The following ABCA1 variants were observed in gnomAD, a reference collection of about 807,000 sequenced individuals.
ABCA1 encodes the protein ATP binding cassette subfamily A member 1, also known as phospholipid-transporting ATPase ABCA1.
Under a neutral mutation model 262.5 loss-of-function variants are expected in ABCA1, and 133 were observed. That is an observed-to-expected ratio of 0.51 (90% CI 0.44 to 0.59). The LOEUF (loss-of-function observed/expected upper bound fraction) is 0.59, where lower values mean the gene tolerates loss of function less well. Among genes scored for constraint, ABCA1 ranks in the 20% least tolerant of loss-of-function variants. ABCA1 has a pLI of 0.00. For synonymous variants in ABCA1, 1,022 were observed against 1,043.5 expected (o/e 0.98, Z 0.40); for missense variants, 2,452 against 2,777.5 (o/e 0.88, Z 2.63).
At chr9:104,814,406 A>T in intron 26 of ABCA1, 21 bp downstream of exon 26, 6 of 1,613,652 alleles carry the variant, frequency 3.7e-6, no homozygotes, top group Non-Finnish European at 5.1e-6. Context: ...TAAGTGTGCC[A>T]TTCTCCCTCA....
At chr9:104,840,997 T>C (rs2472385) in intron 8 of ABCA1, among the ~76,000 whole-genome samples, 16,551 of 152,228 alleles carry the variant, frequency 0.11, 944 homozygotes, top group Middle Eastern at 0.16. Context: ...TCATCCTCGA[T>C]AACTGACTCA....
chr9:104,788,382 A>T, intron 45 of ABCA1, 44 bp downstream of exon 45: 3 of 1,613,848 alleles, frequency 1.9e-6, no homozygotes, highest in Non-Finnish European at 2.5e-6. Context: ...ATATATTGTC[A>T]GGATGCCAAA....
intron 2 of ABCA1, among the ~76,000 whole-genome samples, chr9:104,897,123 G>A (rs1840296082): frequency 6.6e-6 from 1 of 152,078 alleles, no homozygotes; most frequent in Non-Finnish European, 1.5e-5. Flanking sequence ...TGATATGAAT[G>A]TGAAGAAAAA....
chr9:104,802,230 G>T, intron 33 of ABCA1, 71 bp from the exon 34 acceptor site: 1 of 1,370,098 alleles, frequency 7.3e-7, no homozygotes, highest in Non-Finnish European at 1.0e-6. Context: ...GACTCAGTGC[G>T]AGTGTGTACA....
chr9:104,861,936 TG>T, intron 5 of ABCA1, 136 bp from the exon 6 acceptor site: 1 of 793,974 alleles, frequency 1.3e-6, no homozygotes, highest in Non-Finnish European at 2.0e-6. Flanking sequence ...CACACAGGAA[TG>T]AGATAGGGGA....
intron 5 of ABCA1, among the ~76,000 whole-genome samples, chr9:104,875,330 C>G (rs1183491078): frequency 7.8e-6 from 1 of 127,980 alleles, no homozygotes; most frequent in African/African-American, 3.1e-5. Context: ...CCATCCTGGG[C>G]AACAGAGTGA....
chr9:104,876,448 G>C (rs1257041931), intron 5 of ABCA1, among the ~76,000 whole-genome samples: 1 of 152,196 alleles, frequency 6.6e-6, no homozygotes, highest in African/African-American at 2.4e-5. Context: ...CTCAAGAGGG[G>C]ACTGTGTCCA....
rs990612782 is a variant in ABCA1, at chr9:104,825,530, G to A, written c.2542+153C>T. 29 of 763,878 alleles carry A rather than the reference G, an allele frequency of 3.8e-5. 1 individual carries two copies. The highest frequency in any genetic ancestry group is 3.4e-4 in the Middle Eastern group (1 of 2,954). 47.3% of individuals were successfully genotyped at this position (763,878 alleles called of 1,614,324 possible). Reference sequence around the variant, plus strand: ...ACAAGTAGTGACAATTGTACTTTCAGCATCAGCTGCCTGTCCTTGGACTAT... The same window carrying A: ...ACAAGTAGTGACAATTGTACTTTCAACATCAGCTGCCTGTCCTTGGACTAT... On this transcript the variant is annotated intron_variant, in intron 17 of 49. Transcript: ENST00000374736.
At chr9:104,902,416 C>A (rs1484585233) in intron 2 of ABCA1, among the ~76,000 whole-genome samples, 1 of 152,168 alleles carries the variant, frequency 6.6e-6, no homozygotes, top group African/African-American at 2.4e-5. Flanking sequence ...ATAATATAGA[C>A]TGGCCAAACT....
chr9:104,874,887 C>T (rs1030632945), intron 5 of ABCA1, among the ~76,000 whole-genome samples: 3 of 141,408 alleles, frequency 2.1e-5, no homozygotes, highest in African/African-American at 3.1e-5. Context: ...AGCCCCCGCC[C>T]GGCCAGCCGC....
At chr9:104,851,022 C>T (rs188159222) in intron 7 of ABCA1, among the ~76,000 whole-genome samples, 2 of 152,262 alleles carry the variant, frequency 1.3e-5, no homozygotes, top group Admixed American at 1.3e-4. Flanking sequence ...TGCACAAATG[C>T]TTACTGTTAT....
In ABCA1 at chr9:104,782,542, T is replaced by G. The variant is rs1366452009; in HGVS notation, c.*1773A>C. On this transcript the variant is annotated 3_prime_UTR_variant, in exon 50 of 50. Transcript: ENST00000374736. ...AACAGTAAGTATTAGTGAAACAGTA[T>G]TTTTACAAATGTTTACTGACTAGAA... The G allele has an allele frequency of 1.3e-5, 2 of 152,168 alleles. No individual in the cohort carries two copies. Among genetic ancestry groups the G allele is most frequent in the Non-Finnish European group, 2.9e-5 (2 of 68,016 alleles). 9.4% of individuals were successfully genotyped at this position (152,168 alleles called of 1,614,324 possible).
chr9:104,818,090 CACTT>C (rs1831937984), intron 23 of ABCA1, among the ~76,000 whole-genome samples: 1 of 151,944 alleles, frequency 6.6e-6, no homozygotes, highest in Non-Finnish European at 1.5e-5. Context: ...CTACAAGCCT[CACTT>C]CCCTCATCTG....
chr9:104,884,223 T>G (rs577543545), intron 4 of ABCA1, among the ~76,000 whole-genome samples: 1 of 152,268 alleles, frequency 6.6e-6, no homozygotes, highest in South Asian at 2.1e-4. Context: ...CATACAGAAA[T>G]GATAAATACT....
intron 37 of ABCA1, 26 bp from the exon 38 acceptor site, chr9:104,796,450 G>T (rs1183465211): frequency 1.3e-6 from 2 of 1,568,264 alleles, no homozygotes; most frequent in African/African-American, 2.7e-5. Flanking sequence ...AAGACATCCA[G>T]TTCACCCCTA....
chr9:104,813,801 T>C (rs1329871191), intron 27 of ABCA1, among the ~76,000 whole-genome samples: 2 of 152,244 alleles, frequency 1.3e-5, no homozygotes, highest in African/African-American at 2.4e-5. Context: ...CTCGAATGAA[T>C]ATTTGTTCAA....
chr9:104,921,293 G>A (rs141416065), intron 1 of ABCA1, among the ~76,000 whole-genome samples: 27 of 152,148 alleles, frequency 1.8e-4, no homozygotes, highest in Middle Eastern at 3.4e-3. Context: ...AGAAAACACC[G>A]GGGAATTTTA....
At chr9:104,827,206 A>G (rs1290184696) in intron 15 of ABCA1, 37 bp from the exon 16 acceptor site, 1 of 1,547,922 alleles carries the variant, frequency 6.5e-7, no homozygotes, top group Non-Finnish European at 8.9e-7. Context: ...TGCTGCCTCA[A>G]CAATCCCAAG....
rs1831082742 is a variant in ABCA1 at position 104,809,533 on chromosome 9, C to G, written c.4207G>C (p.Glu1403Gln). ...TCTTTGGTGAGGGCGTTTAAGAGTT[C>G]CAGGGTTCCCGTGTCCTCAGGAGCA... Reference protein sequence around the residue: ...NDAPEDTGTLELLNALTKDPG... With the variant: ...NDAPEDTGTLQLLNALTKDPG... The change falls in exon 30 of 50, where the codon GAA becomes CAA. Residue 1403 changes from glutamate (E) to glutamine (Q), a missense_variant. Physicochemically the swap from Glu to Gln is conservative, Grantham distance 29. Coordinates refer to ENST00000374736, the MANE Select transcript of ABCA1 (RefSeq NM_005502.4). 3.7e-6 allele frequency: 6 copies of G among 1,614,164 alleles called. No homozygotes were observed. The highest frequency in any genetic ancestry group is 5.1e-6 in the Non-Finnish European group (6 of 1,180,030).
Sources: gnomAD v4.1 joint callset for allele counts (sites outside exome capture counted in the v4.1 genomes callset) on GRCh38, gnomAD v4.1.1 for gene constraint, MANE v1.5 for transcripts, NCBI Gene and HGNC (gene_info 2026-07-23, HGNC 2026-07-21) for gene names.